The following SEC23A variants were observed in gnomAD, a reference collection of about 807,000 sequenced individuals.
The protein encoded by SEC23A is SEC23 homolog A, COPII component.
SEC23A carries 56 observed loss-of-function variants against 103.7 expected under a neutral mutation model. The ratio of observed to expected loss-of-function variants is 0.54; its 90% CI spans 0.44 to 0.67. The LOEUF (loss-of-function observed/expected upper bound fraction) is 0.67, where lower values mean the gene tolerates loss of function less well. SEC23A is among the 30% of genes least tolerant of loss of function. The pLI, the probability that SEC23A is intolerant of heterozygous loss-of-function variation, is 0.00. For missense variants in SEC23A, 784 were observed against 936.4 expected (o/e 0.84, Z 2.12); for synonymous variants, 281 against 293.0 (o/e 0.96, Z 0.42).
intron 1 of SEC23A, among the ~76,000 whole-genome samples, chr14:39,097,914 G>A (rs980541766): frequency 2.6e-5 from 4 of 151,770 alleles, no homozygotes; most frequent in Admixed American, 6.6e-5. Context: ...GCAAAACCCC[G>A]TCTCTACTAA....
chr14:39,062,990 T>C (rs1185492382), intron 12 of SEC23A, among the ~76,000 whole-genome samples: 1 of 152,176 alleles, frequency 6.6e-6, no homozygotes, highest in African/African-American at 2.4e-5. Flanking sequence ...AGACATCTAA[T>C]TGCAAAAATG....
In SEC23A at chr14:39,077,593, A is replaced by G. The variant is rs1486711583; in HGVS notation, c.829-1500T>C. On this transcript the variant is annotated intron_variant, in intron 7 of 19. Coordinates refer to ENST00000307712, the MANE Select transcript of SEC23A (RefSeq NM_006364.4). Reference sequence around the variant, plus strand: ...CAAAGATAGAGAGAGAGAGAGAGAAAAAAAAGTATGCATGACTTACACTTC... The same window carrying G: ...CAAAGATAGAGAGAGAGAGAGAGAAGAAAAAGTATGCATGACTTACACTTC... 2.0e-5 allele frequency among the ~76,000 whole-genome samples: 3 copies of G among 152,072 alleles called. No homozygotes were observed. The East Asian group carries it at 5.8e-4, about 29-fold the overall frequency.
At position 39,094,836 on chromosome 14, in the gene SEC23A, AG is replaced by A. The variant is rs1448128749; in HGVS notation, c.221+1061del. On this transcript the variant is annotated intron_variant, in intron 2 of 19. Transcript: ENST00000307712. Reference sequence around the variant, plus strand: ...TTAAGGTATTATGTAGATGAGAATAAGGAAAATGGATAACACAAGATGAAGG... The same window carrying A: ...TTAAGGTATTATGTAGATGAGAATAAGAAAATGGATAACACAAGATGAAGG... 3 of 593,518 alleles carry A rather than the reference AG, an allele frequency of 5.1e-6. No individual in the cohort carries two copies. In the African/African-American group the frequency reaches 5.6e-5, roughly 11 times the overall value. 36.8% of individuals were successfully genotyped at this position (593,518 alleles called of 1,614,324 possible). A position where few individuals can be genotyped will look rare whatever the true frequency, so the allele number is the denominator to read the frequency against.
In SEC23A at chr14:39,091,709, C is replaced by A. The variant is rs148560912; in HGVS notation, c.371G>T (p.Gly124Val). 39 of 1,611,310 alleles carry A rather than the reference C, an allele frequency of 2.4e-5. No individual in the cohort carries two copies. The African/African-American group carries it at 4.0e-4, about 17-fold the overall frequency. ...FSSIEYVVLR[G>V]PQMPLIFLYV... is the part of the protein sequence containing the mutation. Reference sequence around the variant, plus strand: ...GAGGAATATCAAAGGCATCTGAGGACCACGCTTTTAAAAAATTCACCAAAA... The same window carrying A: ...GAGGAATATCAAAGGCATCTGAGGAACACGCTTTTAAAAAATTCACCAAAA... The change falls in exon 5 of 20, where the codon GGT becomes GTT. Residue 124 changes from glycine to valine, a missense_variant. Transcript: ENST00000307712.
intron 13 of SEC23A, among the ~76,000 whole-genome samples, 174 bp from the exon 14 acceptor site, chr14:39,055,470 C>T (rs534968267): frequency 4.6e-5 from 7 of 150,912 alleles, no homozygotes; most frequent in African/African-American, 1.2e-4. Context: ...TGCAATGGCG[C>T]GATCTCAGCT....
intron 14 of SEC23A, among the ~76,000 whole-genome samples, chr14:39,050,307 CTTCTTTAA>C (rs1436206803): frequency 6.6e-6 from 1 of 152,142 alleles, no homozygotes; most frequent in South Asian, 2.1e-4. Context: ...AGGCTAATTC[CTTCTTTAA>C]TTCAGTAATT....
In SEC23A at chr14:39,045,314, T is replaced by C; in HGVS notation, c.1748A>G (p.His583Arg). The part of the protein sequence containing the change: ...TFSLYPQFMF[H>R]LRRSSFLQVF... Reference sequence around the variant, plus strand: ...TTGCAGGAAAGAAGATCTTCTTAAATGAAACATAAACTGTAAGATAAACAC... The same window carrying C: ...TTGCAGGAAAGAAGATCTTCTTAAACGAAACATAAACTGTAAGATAAACAC... Residue 583 changes from histidine to arginine, a missense_variant, in exon 16 of 20, where the codon CAT (histidine) becomes CGT (arginine). Coordinates refer to ENST00000307712, the MANE Select transcript of SEC23A (RefSeq NM_006364.4). 6.2e-7 allele frequency: 1 copy of C among 1,607,184 alleles called. No individual in the cohort carries two copies.
chr14:39,093,269 A>G (rs924762580), intron 2 of SEC23A, 25 bp from the exon 3 acceptor site: 17 of 1,573,610 alleles, frequency 1.1e-5, no homozygotes, highest in African/African-American at 2.7e-5. Context: ...AAGAAAAGAC[A>G]TATCAGTTCA....
At chr14:39,069,727 T>C (rs1349490266) in intron 9 of SEC23A, among the ~76,000 whole-genome samples, 2 of 152,206 alleles carry the variant, frequency 1.3e-5, no homozygotes, top group Admixed American at 6.5e-5. Flanking sequence ...CCCAAAGTGC[T>C]AGGATTACAC....
chr14:39,092,855 GTTTGTTTGT>G (rs1016393815), intron 3 of SEC23A: 1 of 511,616 alleles, frequency 2.0e-6, no homozygotes, highest in Non-Finnish European at 3.4e-6. Flanking sequence ...TCATTTGTTT[GTTTGTTTGT>G]TTTGTTTGTT....
At position 39,087,089 on chromosome 14, in the gene SEC23A, G is replaced by A. The variant is rs574025982; in HGVS notation, c.604-81C>T. On this transcript the variant is annotated intron_variant, in intron 5 of 19. Coordinates refer to ENST00000307712, the MANE Select transcript of SEC23A (RefSeq NM_006364.4). ...AACTATTTATCATGTATAAAATGCT[G>A]TGCTAGACATTAGAAACACAAAAAT... 1.4e-4 allele frequency: 124 copies of A among 866,714 alleles called. 2 individuals are homozygous for A. In the East Asian group the frequency reaches 2.7e-3, roughly 19 times the overall value. 53.7% of individuals were successfully genotyped at this position (866,714 alleles called of 1,614,324 possible). A position where few individuals can be genotyped will look rare whatever the true frequency, so the allele number is the denominator to read the frequency against.
intron 7 of SEC23A, among the ~76,000 whole-genome samples, chr14:39,077,180 A>G (rs1887057145): frequency 7.7e-6 from 1 of 129,914 alleles, no homozygotes. Flanking sequence ...GTGAGCCAAG[A>G]TTGTACCACT....
intron 1 of SEC23A, among the ~76,000 whole-genome samples, chr14:39,102,022 A>C (rs1422607317): frequency 2.6e-5 from 4 of 151,972 alleles, no homozygotes; most frequent in African/African-American, 4.8e-5. Context: ...ACCTGAGGTC[A>C]GGAGTTCGAG....
At chr14:39,077,583 A>G (rs1313222595) in intron 7 of SEC23A, among the ~76,000 whole-genome samples, 1 of 152,096 alleles carries the variant, frequency 6.6e-6, no homozygotes, top group East Asian at 1.9e-4. Context: ...ATAGAGAGAG[A>G]GAGAGAGAAA....
chr14:39,044,758 C>A (rs1445841308), intron 16 of SEC23A, among the ~76,000 whole-genome samples: 1 of 152,054 alleles, frequency 6.6e-6, no homozygotes, highest in African/African-American at 2.4e-5. Context: ...AAAACAAGAG[C>A]CTTTGTTTAG....
intron 14 of SEC23A, among the ~76,000 whole-genome samples, chr14:39,049,060 G>A (rs1280533279): frequency 6.6e-6 from 1 of 151,980 alleles, no homozygotes; most frequent in Non-Finnish European, 1.5e-5. Context: ...ACACCAAAAA[G>A]GCTGGCACAG....
intron 1 of SEC23A, among the ~76,000 whole-genome samples, chr14:39,098,797 A>G (rs1887982661): frequency 6.6e-6 from 1 of 151,824 alleles, no homozygotes; most frequent in African/African-American, 2.4e-5. Flanking sequence ...ATTTAATAAA[A>G]TAAAATGAAA....
rs540876284 is a variant in SEC23A, at chr14:39,080,316, A to G, written c.829-4223T>C. On this transcript the variant is annotated intron_variant, in intron 7 of 19. Transcript: ENST00000307712. ...CTTGGTAAGAGGCACTAAAGAAAAGAAAAAAACCAAGAGAATGAAAATGAA... is the reference window on the plus strand; with the variant it reads ...CTTGGTAAGAGGCACTAAAGAAAAGGAAAAAACCAAGAGAATGAAAATGAA... 5.3e-5 allele frequency among the ~76,000 whole-genome samples: 8 copies of G among 152,352 alleles called. No homozygotes were observed. In the South Asian group the frequency reaches 1.7e-3, roughly 32 times the overall value.
chr14:39,083,536 G>A (rs1887305358), intron 7 of SEC23A, among the ~76,000 whole-genome samples: 1 of 143,074 alleles, frequency 7.0e-6, no homozygotes, highest in Non-Finnish European at 1.5e-5. Context: ...AGAGGCATGT[G>A]TCCTCAGCCT....
Sources: allele counts gnomAD v4.1 joint callset (sites outside exome capture counted in the v4.1 genomes callset), GRCh38; gene constraint gnomAD v4.1.1; transcripts MANE v1.5; gene names NCBI Gene and HGNC (gene_info 2026-07-23, HGNC 2026-07-21).